The following SORCS1 variants were observed in gnomAD, a reference collection of about 807,000 sequenced individuals.
SORCS1 encodes the protein VPS10 domain-containing receptor SorCS1.
In SORCS1, 60 loss-of-function variants were observed where a neutral mutation model predicts 146.1. That is an observed-to-expected ratio of 0.41 (90% confidence interval 0.33 to 0.51). The LOEUF is 0.51. Ranked by LOEUF, SORCS1 falls within the 20% of genes least tolerant of loss-of-function variation. The probability of loss-of-function intolerance (pLI) is 0.21; values close to 1 mark genes in which losing one functional copy is unlikely to be tolerated. For synonymous variants in SORCS1, 637 were observed against 584.0 expected (o/e 1.09, Z -1.31); for missense variants, 1,352 against 1,487.6 (o/e 0.91, Z 1.50).
chr10:107,178,601 C>T, the SORCS1 span, among the ~76,000 whole-genome samples: 1 of 152,020 alleles, frequency 6.6e-6, no homozygotes, highest in African/African-American at 2.4e-5. Flanking sequence ...CGGGTTCAAG[C>T]AATTCTCTTG....
chr10:106,880,240 G>C (rs1950757375), intron 2 of SORCS1, among the ~76,000 whole-genome samples: 1 of 152,158 alleles, frequency 6.6e-6, no homozygotes, highest in African/African-American at 2.4e-5. Flanking sequence ...TGTCCTTCCT[G>C]ATAGTCAAAG....
At chr10:106,713,192 A>G (rs953543575) in intron 6 of SORCS1, among the ~76,000 whole-genome samples, 7 of 152,180 alleles carry the variant, frequency 4.6e-5, no homozygotes, top group African/African-American at 1.7e-4. Context: ...GAAAGTACCC[A>G]TTTCCTAATG....
chr10:107,032,107 TAA>T (rs1439438326), intron 1 of SORCS1, among the ~76,000 whole-genome samples: 2 of 152,206 alleles, frequency 1.3e-5, no homozygotes, highest in Non-Finnish European at 2.9e-5. Context: ...TCTGTGGGAC[TAA>T]GACTCTGAAG....
intron 2 of SORCS1, among the ~76,000 whole-genome samples, chr10:106,894,654 T>C (rs926778836): frequency 9.8e-5 from 15 of 152,288 alleles, no homozygotes; most frequent in Admixed American, 3.3e-4. Context: ...CAGTTTCCAC[T>C]AAGAAAAGCA....
chr10:106,687,716 G>T (rs1852966422), intron 10 of SORCS1, among the ~76,000 whole-genome samples: 1 of 152,130 alleles, frequency 6.6e-6, no homozygotes, highest in Non-Finnish European at 1.5e-5. Context: ...GTATAAATCA[G>T]TGGTTCTTAC....
chr10:106,760,847 C>T (rs185458023), intron 5 of SORCS1, among the ~76,000 whole-genome samples: 2 of 152,100 alleles, frequency 1.3e-5, no homozygotes, highest in Admixed American at 6.6e-5. Flanking sequence ...TGGCTCACAC[C>T]TGTAATCCCA....
At chr10:106,857,892 C>T (rs990676792) in intron 2 of SORCS1, among the ~76,000 whole-genome samples, 13 of 152,274 alleles carry the variant, frequency 8.5e-5, no homozygotes, top group African/African-American at 1.4e-4. Flanking sequence ...CAAACGATGA[C>T]GTGGAGCTGA....
chr10:107,160,822 T>A (rs1969645637), intron 1 of SORCS1, among the ~76,000 whole-genome samples: 1 of 152,216 alleles, frequency 6.6e-6, no homozygotes, highest in South Asian at 2.1e-4. Flanking sequence ...AAATAAGGAA[T>A]AAACACATAC....
At chr10:107,049,325 C>G (rs975285269) in intron 1 of SORCS1, among the ~76,000 whole-genome samples, 3 of 148,516 alleles carry the variant, frequency 2.0e-5, no homozygotes, top group African/African-American at 7.5e-5. Context: ...TGCTAAATGA[C>G]GAGTTAATGG....
chr10:106,704,620 G>A (rs1854380137), intron 8 of SORCS1, among the ~76,000 whole-genome samples: 2 of 152,200 alleles, frequency 1.3e-5, no homozygotes, highest in South Asian at 4.1e-4. Context: ...AACCCGGGAG[G>A]TGGAGGTTGC....
chr10:106,577,398 C>CTGTA lies in SORCS1; in HGVS notation c.*18_*21dup. 6.2e-7 allele frequency: 1 copy of CTGTA among 1,613,846 alleles called. No individual in the cohort carries two copies. Among genetic ancestry groups the CTGTA allele is most frequent in the Non-Finnish European group, 8.5e-7 (1 of 1,179,770 alleles). Reference sequence around the variant, plus strand: ...AATTCTTTCCTGATCAGCAGGTCGCCTGTAGCCTTTGGGGGTTTTCCTTAA... The same window carrying CTGTA: ...AATTCTTTCCTGATCAGCAGGTCGCCTGTATGTAGCCTTTGGGGGTTTTCCTTAA... On this transcript the variant is annotated 3_prime_UTR_variant, in exon 26 of 26. Coordinates refer to ENST00000263054, the MANE Select transcript of SORCS1 (RefSeq NM_052918.5).
At chr10:106,701,715 G>A (rs531380630) in intron 8 of SORCS1, among the ~76,000 whole-genome samples, 1 of 152,344 alleles carries the variant, frequency 6.6e-6, no homozygotes, top group East Asian at 1.9e-4. Context: ...AGTGGCTGAA[G>A]AATGGACTTT....
chr10:106,895,600 G>T (rs888251928), intron 2 of SORCS1, among the ~76,000 whole-genome samples: 4 of 152,170 alleles, frequency 2.6e-5, no homozygotes, highest in Non-Finnish European at 5.9e-5. Context: ...GACACAGTAA[G>T]ACTCTGTCTC....
At chr10:106,590,749 G>C (rs550603672) in intron 24 of SORCS1, among the ~76,000 whole-genome samples, 1 of 152,158 alleles carries the variant, frequency 6.6e-6, no homozygotes, top group Non-Finnish European at 1.5e-5. Flanking sequence ...CTGCCTTCTG[G>C]GTTAAAGTGA....
In SORCS1 at chr10:107,087,616, T is replaced by C. The variant is rs529924714; in HGVS notation, c.558+76353A>G. 2.6e-5 allele frequency among the ~76,000 whole-genome samples: 4 copies of C among 152,326 alleles called. No individual in the cohort carries two copies. In the South Asian group the frequency reaches 8.3e-4, roughly 32 times the overall value. On this transcript the variant is annotated intron_variant, in intron 1 of 25. Transcript: ENST00000263054. ...TTCCTACCACCTGGTCAATGCTCAA[T>C]ATACAGCAATAGTGAAGATAAAGAA...
intron 2 of SORCS1, among the ~76,000 whole-genome samples, chr10:106,907,679 C>T (rs866306390): frequency 2.0e-5 from 3 of 152,076 alleles, no homozygotes; most frequent in African/African-American, 7.2e-5. Flanking sequence ...GTAATCCCAA[C>T]ACTTTGGGAG....
chr10:106,870,808 C>A (rs1950380030), intron 2 of SORCS1, among the ~76,000 whole-genome samples: 2 of 152,108 alleles, frequency 1.3e-5, no homozygotes, highest in Non-Finnish European at 2.9e-5. Context: ...ACACCAAAAC[C>A]TATTGCAACC....
intron 8 of SORCS1, among the ~76,000 whole-genome samples, chr10:106,701,506 G>A (rs562746102): frequency 1.9e-4 from 29 of 152,292 alleles, no homozygotes; most frequent in Non-Finnish European, 3.1e-4. Flanking sequence ...TTTTTAAGCA[G>A]TAAGAATAAA....
intron 1 of SORCS1, among the ~76,000 whole-genome samples, chr10:107,132,152 C>T (rs1966903521): frequency 6.6e-6 from 1 of 152,032 alleles, no homozygotes; most frequent in African/African-American, 2.4e-5. Context: ...TCCCTTTCCC[C>T]TCTTCTTTCT....
Sources: allele counts gnomAD v4.1 joint callset (sites outside exome capture counted in the v4.1 genomes callset), GRCh38; gene constraint gnomAD v4.1.1; transcripts MANE v1.5; gene names NCBI Gene and HGNC (gene_info 2026-07-23, HGNC 2026-07-21).